Variants in NME7 observed in about 807,000 individuals in gnomAD.
NME7 encodes the protein NME/NM23 family member 7.
A neutral mutation model predicts 49.1 loss-of-function variants in NME7; 41 were observed. That is an observed-to-expected ratio of 0.83 (90% CI 0.65 to 1.08). The LOEUF (loss-of-function observed/expected upper bound fraction) is 1.08, where lower values mean the gene tolerates loss of function less well. Ranked by LOEUF, NME7 falls within the 50% of genes least tolerant of loss-of-function variation. The probability of loss-of-function intolerance (pLI) is 0.00; values close to 1 mark genes in which losing one functional copy is unlikely to be tolerated. For missense variants in NME7, 423 were observed against 463.4 expected (o/e 0.91, Z 0.80); for synonymous variants, 139 against 150.6 (o/e 0.92, Z 0.56).
At chr1:169,207,846 A>C (rs533208692) in intron 10 of NME7, among the ~76,000 whole-genome samples, 2 of 152,198 alleles carry the variant, frequency 1.3e-5, no homozygotes, top group Admixed American at 1.3e-4. Flanking sequence ...AAACAAAATA[A>C]TGAAGGCTAG....
chr1:169,307,969 G>A (rs1037333929), intron 4 of NME7, among the ~76,000 whole-genome samples: 6 of 144,710 alleles, frequency 4.1e-5, no homozygotes, highest in Non-Finnish European at 7.4e-5. Context: ...GCAGTGAGCC[G>A]AAATCGTGCC....
chr1:169,333,004 A>T (rs1424883508), intron 1 of NME7, among the ~76,000 whole-genome samples: 1 of 152,178 alleles, frequency 6.6e-6, no homozygotes, highest in Non-Finnish European at 1.5e-5. Flanking sequence ...AGATATCTGC[A>T]CTCCTATGTT....
intron 7 of NME7, among the ~76,000 whole-genome samples, chr1:169,276,445 T>C (rs1481083869): frequency 1.5e-5 from 2 of 133,958 alleles, no homozygotes; most frequent in Admixed American, 7.3e-5. Context: ...AATTTATCCA[T>C]TTCTTCTCGA....
At chr1:169,276,645 G>T (rs1649742406) in intron 7 of NME7, among the ~76,000 whole-genome samples, 1 of 132,680 alleles carries the variant, frequency 7.5e-6, no homozygotes, top group African/African-American at 2.5e-5. Context: ...CCAGCTCCTG[G>T]ATTCGTTGAT....
chr1:169,202,245 AGATCCCTCAT>A (rs886156073), intron 10 of NME7, among the ~76,000 whole-genome samples: 4 of 152,172 alleles, frequency 2.6e-5, no homozygotes, highest in African/African-American at 9.6e-5. Flanking sequence ...TCATGGGGGC[AGATCCCTCAT>A]GAATGGCTTG....
rs550606839 is a variant in NME7 at position 169,145,057 on chromosome 1, T to C, written c.1099-12240A>G. On this transcript the variant is annotated intron_variant, in intron 11 of 11. Transcript: ENST00000367811. Reference sequence around the variant, plus strand: ...ACTATTGTATAACGTTTTATAATTCTCTCTGCCTTGTGAATAGTAAGCAGC... The same window carrying C: ...ACTATTGTATAACGTTTTATAATTCCCTCTGCCTTGTGAATAGTAAGCAGC... 5.8e-4 allele frequency among the ~76,000 whole-genome samples: 88 copies of C among 152,322 alleles called. 2 individuals carry two copies. The South Asian group carries it at 0.018, about 32-fold the overall frequency.
intron 1 of NME7, among the ~76,000 whole-genome samples, chr1:169,365,571 T>A (rs906834175): frequency 6.6e-6 from 1 of 152,108 alleles, no homozygotes; most frequent in African/African-American, 2.4e-5. Flanking sequence ...TTTTTTTTTT[T>A]AAGTATGGAA....
intron 11 of NME7, among the ~76,000 whole-genome samples, chr1:169,145,679 A>G (rs1658726596): frequency 6.6e-6 from 1 of 152,218 alleles, no homozygotes; most frequent in Non-Finnish European, 1.5e-5. Context: ...GTAAGATGAC[A>G]AGGTCAGTAA....
At chr1:169,219,084 T>C (rs1461774945) in intron 10 of NME7, among the ~76,000 whole-genome samples, 1 of 152,082 alleles carries the variant, frequency 6.6e-6, no homozygotes, top group Non-Finnish European at 1.5e-5. Flanking sequence ...ATTTAACTCC[T>C]TCTTTAAATT....
chr1:169,321,881 A>C (rs553950005), intron 3 of NME7, among the ~76,000 whole-genome samples: 2 of 152,178 alleles, frequency 1.3e-5, no homozygotes, highest in Admixed American at 6.5e-5. Flanking sequence ...TTTTATACAT[A>C]TAGCCTTAAC....
At chr1:169,232,778 G>C (rs1333263633) in intron 9 of NME7, among the ~76,000 whole-genome samples, 2 of 151,684 alleles carry the variant, frequency 1.3e-5, no homozygotes, top group Non-Finnish European at 2.9e-5. Context: ...TCTTTAGGCA[G>C]AAGGAAAAAA....
chr1:169,145,316 T>A (rs1658717185), intron 11 of NME7, among the ~76,000 whole-genome samples: 1 of 152,216 alleles, frequency 6.6e-6, no homozygotes, highest in Non-Finnish European at 1.5e-5. Flanking sequence ...TTACCATTCA[T>A]TACACAATGG....
At chr1:169,278,922 G>A (rs1399837942) in intron 7 of NME7, among the ~76,000 whole-genome samples, 1 of 152,180 alleles carries the variant, frequency 6.6e-6, no homozygotes, top group Non-Finnish European at 1.5e-5. Flanking sequence ...CTCCGCTGCA[G>A]GTCTGTTGGA....
At chr1:169,242,119 T>G (rs1216843224) in intron 7 of NME7, among the ~76,000 whole-genome samples, 2 of 151,894 alleles carry the variant, frequency 1.3e-5, no homozygotes, top group African/African-American at 2.4e-5. Flanking sequence ...AATGTTAAAA[T>G]TTTAGAAATT....
At position 169,203,075 on chromosome 1, in the gene NME7, C is replaced by T. The variant is rs564690928; in HGVS notation, c.990+27643G>A. 3.3e-5 allele frequency among the ~76,000 whole-genome samples: 5 copies of T among 152,230 alleles called. No homozygotes were observed. The East Asian group carries it at 9.7e-4, about 29-fold the overall frequency. On this transcript the variant is annotated intron_variant, in intron 10 of 11. Coordinates refer to ENST00000367811, the MANE Select transcript of NME7 (RefSeq NM_013330.5). ...GGATGGCTTGCCTAAGACATGCCCA[C>T]AGCCCCACTGATAAGAAAGGCTACA...
intron 7 of NME7, among the ~76,000 whole-genome samples, chr1:169,242,134 A>G (rs927231975): frequency 6.6e-6 from 1 of 151,894 alleles, no homozygotes; most frequent in Non-Finnish European, 1.5e-5. Context: ...GAAATTTTAT[A>G]ATTTCCAATA....
intron 4 of NME7, among the ~76,000 whole-genome samples, chr1:169,309,514 C>T (rs557333417): frequency 5.9e-5 from 9 of 152,226 alleles, no homozygotes; most frequent in Admixed American, 2.0e-4. Context: ...AGCAGCACTG[C>T]GATTCACCAT....
chr1:169,341,255 T>C (rs550195803), intron 1 of NME7, among the ~76,000 whole-genome samples: 2 of 152,278 alleles, frequency 1.3e-5, no homozygotes, highest in Admixed American at 6.5e-5. Flanking sequence ...GGGGCCAAGA[T>C]ACAGCTTGGG....
rs116951356 is a variant in NME7 at position 169,168,542 on chromosome 1, C to T, written c.1098+905G>A. ...GAACTCCTGGCTTCAAGCAATCCTC[C>T]CACTTAAGCCTCCCAAGTTGCTGGG... On this transcript the variant is annotated intron_variant, in intron 11 of 11. Transcript: ENST00000367811. 1.9e-3 allele frequency among the ~76,000 whole-genome samples: 287 copies of T among 152,298 alleles called. 9 individuals are homozygous for T. In the East Asian group the frequency reaches 0.047, roughly 25 times the overall value.
Sources: gnomAD v4.1 joint callset for allele counts (sites outside exome capture counted in the v4.1 genomes callset) on GRCh38, gnomAD v4.1.1 for gene constraint, MANE v1.5 for transcripts, NCBI Gene and HGNC (gene_info 2026-07-23, HGNC 2026-07-21) for gene names.